The following GLIS3 variants were observed in gnomAD, a reference collection of about 807,000 sequenced individuals.
GLIS3 encodes GLIS family zinc finger 3.
A neutral mutation model predicts 78.6 loss-of-function variants in GLIS3; 53 were observed. That is an observed-to-expected ratio of 0.67 (90% CI 0.54 to 0.85). GLIS3 has a LOEUF of 0.85. Among genes scored for constraint, GLIS3 ranks in the 40% least tolerant of loss-of-function variants. GLIS3 has a pLI of 0.00. For missense variants in GLIS3, 1,703 were observed against 1,231.1 expected (o/e 1.38, Z -5.74); for synonymous variants, 684 against 509.9 (o/e 1.34, Z -4.60).
intron 9 of GLIS3, among the ~76,000 whole-genome samples, chr9:3,838,416 A>G (rs1818496010): frequency 6.6e-6 from 1 of 152,170 alleles, no homozygotes; most frequent in African/African-American, 2.4e-5. Context: ...TGCTGAGAAG[A>G]TTCTTTGGTT....
intron 8 of GLIS3, among the ~76,000 whole-genome samples, chr9:3,861,534 T>A (rs1820213421): frequency 5.1e-5 from 1 of 19,754 alleles, no homozygotes; most frequent in South Asian, 3.4e-3. Flanking sequence ...AGGGAATCAA[T>A]CCAAATGCCC....
chr9:4,336,616 G>A (rs960309992), intron 2 of GLIS3, among the ~76,000 whole-genome samples: 16 of 152,172 alleles, frequency 1.1e-4, no homozygotes, highest in Admixed American at 6.5e-5. Flanking sequence ...ACAAAACCAA[G>A]ACTGCAAAAC....
intron 4 of GLIS3, among the ~76,000 whole-genome samples, chr9:3,955,166 A>G (rs771392590): frequency 2.6e-5 from 4 of 152,176 alleles, no homozygotes; most frequent in Non-Finnish European, 5.9e-5. Flanking sequence ...TTGCAAATGC[A>G]TGGCCTCCCA....
At chr9:3,882,673 C>G (rs540685202) in intron 7 of GLIS3, among the ~76,000 whole-genome samples, 2 of 152,316 alleles carry the variant, frequency 1.3e-5, no homozygotes, top group East Asian at 3.9e-4. Context: ...ATCCATAGCC[C>G]TTCCCTTGAA....
At chr9:4,057,297 G>T (rs938324102) in intron 4 of GLIS3, among the ~76,000 whole-genome samples, 14 of 151,958 alleles carry the variant, frequency 9.2e-5, no homozygotes, top group African/African-American at 3.1e-4. Context: ...TGAACAAGGG[G>T]CCCCACATTT....
At chr9:3,923,321 C>T (rs1588235958) in intron 6 of GLIS3, among the ~76,000 whole-genome samples, 1 of 152,168 alleles carries the variant, frequency 6.6e-6, no homozygotes, top group South Asian at 2.1e-4. Flanking sequence ...ACCTCAATGC[C>T]TATCTCAATA....
chr9:3,978,171 G>A (rs769370336), intron 4 of GLIS3, among the ~76,000 whole-genome samples: 2 of 152,026 alleles, frequency 1.3e-5, no homozygotes, highest in Non-Finnish European at 2.9e-5. Context: ...GAAAGCGGAT[G>A]GTAATCTCAG....
chr9:4,452,932 C>T, the GLIS3 span, among the ~76,000 whole-genome samples: 7 of 152,090 alleles, frequency 4.6e-5, no homozygotes, highest in African/African-American at 1.4e-4. Context: ...GCTACAGTAA[C>T]CAAAACAGCA....
At chr9:3,976,277 T>C (rs1330294896) in intron 4 of GLIS3, among the ~76,000 whole-genome samples, 2 of 152,176 alleles carry the variant, frequency 1.3e-5, no homozygotes, top group East Asian at 1.9e-4. Flanking sequence ...TTACCTTCCA[T>C]ACATCTTTAA....
chr9:3,854,628 C>T lies in GLIS3; in HGVS notation c.2473+1381G>A, dbSNP rs139092501. On this transcript the variant is annotated intron_variant, in intron 9 of 10. Transcript: ENST00000381971. ...CTTGGCTCACTGCCAGTTCCGCCTCCCGGGTTCATGCTATTCTCCTGCCTC... is the reference window on the plus strand; with the variant it reads ...CTTGGCTCACTGCCAGTTCCGCCTCTCGGGTTCATGCTATTCTCCTGCCTC... Among the ~76,000 whole-genome samples the T allele has an allele frequency of 2.8e-3, 427 of 152,138 alleles. 2 individuals are homozygous for T. Among genetic ancestry groups the T allele is most frequent in the African/African-American group, 1.0e-2 (413 of 41,502 alleles).
At chr9:3,881,378 A>G (rs1028287397) in intron 7 of GLIS3, among the ~76,000 whole-genome samples, 6 of 151,730 alleles carry the variant, frequency 4.0e-5, no homozygotes, top group Admixed American at 6.6e-5. Flanking sequence ...GTTTTTTTGT[A>G]TGTATGTGCA....
chr9:4,213,465 T>TGA (rs1391464949), intron 2 of GLIS3, among the ~76,000 whole-genome samples: 1 of 152,254 alleles, frequency 6.6e-6, no homozygotes, highest in African/African-American at 2.4e-5. Flanking sequence ...CTTCTGATGA[T>TGA]GATGGAAATG....
At chr9:3,944,497 T>C (rs13283399) in intron 4 of GLIS3, among the ~76,000 whole-genome samples, 5,812 of 152,296 alleles carry the variant, frequency 0.038, 159 homozygotes, top group Non-Finnish European at 0.061. Context: ...CAATTGCAAG[T>C]GAATAATTAT....
At chr9:4,339,441 A>G (rs562194038) in intron 2 of GLIS3, among the ~76,000 whole-genome samples, 179 of 152,208 alleles carry the variant, frequency 1.2e-3, no homozygotes, top group Non-Finnish European at 2.2e-3. Context: ...TTAAAGAATG[A>G]CATTTATATA....
At chr9:4,188,048 TGA>T (rs1308228476) in intron 2 of GLIS3, among the ~76,000 whole-genome samples, 1 of 152,050 alleles carries the variant, frequency 6.6e-6, no homozygotes, top group African/African-American at 2.4e-5. Flanking sequence ...ATAGGAGTGG[TGA>T]GAGAGGGCAT....
At chr9:4,406,644 C>T in the GLIS3 span, among the ~76,000 whole-genome samples, 1 of 152,144 alleles carries the variant, frequency 6.6e-6, no homozygotes, top group Admixed American at 6.5e-5. Context: ...AGTAGCATTT[C>T]TATATGCCAA....
chr9:3,942,009 G>A (rs532755), intron 4 of GLIS3, among the ~76,000 whole-genome samples: 2 of 151,896 alleles, frequency 1.3e-5, no homozygotes, highest in Admixed American at 1.3e-4. Flanking sequence ...AAAATGAAAG[G>A]CTCATTAGAC....
In GLIS3 at chr9:4,051,923, G is replaced by C. The variant is rs140079999; in HGVS notation, c.1710+65845C>G. ...CGTTTATAGATGATACATACATGTC[G>C]AATGTCTATGTATCATGCGTATATA... is the stretch of plus-strand genomic sequence containing the variant. On this transcript the variant is annotated intron_variant, in intron 4 of 10. Transcript: ENST00000381971. Among the ~76,000 whole-genome samples the C allele has an allele frequency of 7.4e-4, 113 of 152,284 alleles. 2 individuals carry two copies. In the East Asian group the frequency reaches 0.017, roughly 23 times the overall value.
At chr9:4,246,628 C>T (rs954020470) in intron 2 of GLIS3, among the ~76,000 whole-genome samples, 1 of 152,182 alleles carries the variant, frequency 6.6e-6, no homozygotes, top group Non-Finnish European at 1.5e-5. Context: ...AGTTCAGTAT[C>T]CCCACTAACT....
Sources: allele counts gnomAD v4.1 joint callset (sites outside exome capture counted in the v4.1 genomes callset), GRCh38; gene constraint gnomAD v4.1.1; transcripts MANE v1.5; gene names NCBI Gene and HGNC (gene_info 2026-07-23, HGNC 2026-07-21).